TMEM117: variants seen among roughly 807,000 people sequenced by gnomAD.
TMEM117 encodes transmembrane protein 117.
TMEM117 carries 27 observed loss-of-function variants against 52.4 expected under a neutral mutation model. The observed-to-expected ratio is 0.51, with a 90% CI of 0.38 to 0.71. TMEM117 has a LOEUF of 0.71. Among genes scored for constraint, TMEM117 ranks in the 30% least tolerant of loss-of-function variants. The pLI, the probability that TMEM117 is intolerant of heterozygous loss-of-function variation, is 0.00. For missense variants in TMEM117, 556 were observed against 630.5 expected, an observed-to-expected ratio of 0.88 and a Z score of 1.26; for synonymous variants, 215 against 206.3, an observed-to-expected ratio of 1.04 and a Z score of -0.36.
rs182433474 is a variant in TMEM117 at position 44,222,255 on chromosome 12, G to C, written c.608+10868G>C. Among the ~76,000 whole-genome samples, 742 of 152,130 alleles carry C rather than the reference G, an allele frequency of 4.9e-3. 5 individuals are homozygous for C. Among genetic ancestry groups the C allele is most frequent in the African/African-American group, 0.016 (676 of 41,516 alleles). On this transcript the variant is annotated intron_variant, in intron 5 of 7. Coordinates refer to ENST00000266534, the MANE Select transcript of TMEM117 (RefSeq NM_032256.3). ...AGTCTTGGACTGCTGGGACCTAAAGGGTCTTTGAATCCAGGCCTTTGCAGT... is the reference window on the plus strand; with the variant it reads ...AGTCTTGGACTGCTGGGACCTAAAGCGTCTTTGAATCCAGGCCTTTGCAGT...
intron 2 of TMEM117, among the ~76,000 whole-genome samples, chr12:43,903,249 G>T (rs918247636): frequency 1.3e-5 from 2 of 152,214 alleles, no homozygotes; most frequent in African/African-American, 4.8e-5. Flanking sequence ...TTTTTCTAGT[G>T]TGCTGGATGG....
At chr12:43,900,557 A>C (rs1430194851) in intron 2 of TMEM117, among the ~76,000 whole-genome samples, 1 of 151,980 alleles carries the variant, frequency 6.6e-6, no homozygotes, top group Non-Finnish European at 1.5e-5. Context: ...GTCTCTACTA[A>C]AAATACAAAA....
rs117271642 is a variant in TMEM117, at chr12:44,308,991, T to C, written c.768+9252T>C. 4.7e-4 allele frequency among the ~76,000 whole-genome samples: 71 copies of C among 152,302 alleles called. 1 individual carries two copies. The East Asian group carries it at 0.013, about 29-fold the overall frequency. The stretch of plus-strand genomic sequence containing the variant: ...GGGCTCCTCTATGAGCTTTTTAAGT[T>C]ACAATGATAAAGCTAAGGAACAAAT... On this transcript the variant is annotated intron_variant, in intron 6 of 7. Transcript: ENST00000266534.
intron 2 of TMEM117, among the ~76,000 whole-genome samples, chr12:43,891,539 A>AT (rs1403405684): frequency 6.6e-6 from 1 of 150,846 alleles, no homozygotes; most frequent in East Asian, 2.0e-4. Flanking sequence ...TGCCCGGCTA[A>AT]TTTTTTTTAG....
chr12:44,090,833 T>C (rs1947654941), intron 3 of TMEM117, among the ~76,000 whole-genome samples: 1 of 147,964 alleles, frequency 6.8e-6, no homozygotes, highest in Non-Finnish European at 1.5e-5. Flanking sequence ...AATCCTGTAT[T>C]TATGTGTTTT....
intron 5 of TMEM117, among the ~76,000 whole-genome samples, chr12:44,215,841 T>C (rs1362553245): frequency 6.6e-6 from 1 of 151,972 alleles, no homozygotes; most frequent in Non-Finnish European, 1.5e-5. Flanking sequence ...GGTCTTCACC[T>C]TCCAGACACG....
At chr12:44,181,042 A>G (rs542104773) in intron 4 of TMEM117, among the ~76,000 whole-genome samples, 11 of 152,280 alleles carry the variant, frequency 7.2e-5, no homozygotes, top group African/African-American at 2.4e-4. Context: ...AATGATTGCC[A>G]TTCTAACTGG....
chr12:44,381,647 A>G (rs746880384), intron 7 of TMEM117, among the ~76,000 whole-genome samples: 1 of 152,206 alleles, frequency 6.6e-6, no homozygotes, highest in Non-Finnish European at 1.5e-5. Context: ...AAAATGGAAC[A>G]TGTAGAAGTA....
At chr12:43,843,162 A>G (rs150697465) in intron 1 of TMEM117, among the ~76,000 whole-genome samples, 1,789 of 152,102 alleles carry the variant, frequency 0.012, 98 homozygotes, top group Admixed American at 0.084. Flanking sequence ...TTTGTAAAGG[A>G]CCCTCTTCCC....
chr12:44,099,189 C>G (rs539034902), intron 3 of TMEM117, among the ~76,000 whole-genome samples: 1 of 152,010 alleles, frequency 6.6e-6, no homozygotes, highest in South Asian at 2.1e-4. Flanking sequence ...GCTAATTATT[C>G]TTTAACAAAA....
At chr12:44,246,512 CA>C (rs1950131596) in intron 5 of TMEM117, among the ~76,000 whole-genome samples, 1 of 152,158 alleles carries the variant, frequency 6.6e-6, no homozygotes, top group South Asian at 2.1e-4. Flanking sequence ...AAAGCCAATT[CA>C]GATAAGATGT....
chr12:44,002,669 A>T (rs568452337), intron 3 of TMEM117, among the ~76,000 whole-genome samples: 3 of 152,054 alleles, frequency 2.0e-5, no homozygotes, highest in Admixed American at 1.3e-4. Context: ...CTGCTCTCAA[A>T]CATGGCTTCT....
chr12:43,813,431 G>A, the TMEM117 span, among the ~76,000 whole-genome samples: 2 of 151,554 alleles, frequency 1.3e-5, no homozygotes, highest in Non-Finnish European at 1.5e-5. Flanking sequence ...TTTTAGTAGA[G>A]ACAGGGTTTC....
At chr12:44,390,831 A>G (rs1416881417), downstream of TMEM117, among the ~76,000 whole-genome samples, 1 of 152,024 alleles carries the variant, frequency 6.6e-6, no homozygotes, top group Admixed American at 6.6e-5. Flanking sequence ...TGGGTATTGC[A>G]TTTATACCAA....
intron 3 of TMEM117, among the ~76,000 whole-genome samples, chr12:43,948,426 C>T (rs1945168772): frequency 6.6e-6 from 1 of 152,032 alleles, no homozygotes; most frequent in Non-Finnish European, 1.5e-5. Flanking sequence ...CTGCCTCAGC[C>T]TCCTAAGTAG....
intron 3 of TMEM117, among the ~76,000 whole-genome samples, chr12:44,075,072 A>G (rs1592494653): frequency 6.6e-6 from 1 of 152,200 alleles, no homozygotes; most frequent in African/African-American, 2.4e-5. Context: ...CCATAGTGGT[A>G]AGTGCTGATT....
At chr12:44,313,184 T>C (rs1370028067) in intron 6 of TMEM117, among the ~76,000 whole-genome samples, 1 of 151,978 alleles carries the variant, frequency 6.6e-6, no homozygotes, top group Non-Finnish European at 1.5e-5. Context: ...TCTTTGCCAA[T>C]CCTGTTATCT....
intron 6 of TMEM117, among the ~76,000 whole-genome samples, chr12:44,319,803 A>C (rs1951107213): frequency 6.6e-6 from 1 of 152,144 alleles, no homozygotes. Context: ...TTTTCATAAA[A>C]TTACCTATTT....
chr12:43,883,783 A>G (rs1460571304), intron 2 of TMEM117, among the ~76,000 whole-genome samples: 3 of 151,548 alleles, frequency 2.0e-5, no homozygotes, highest in African/African-American at 7.3e-5. Flanking sequence ...CAAAAAACAA[A>G]AAAAAACCCC....
Sources: allele counts gnomAD v4.1 joint callset (sites outside exome capture counted in the v4.1 genomes callset), GRCh38; gene constraint gnomAD v4.1.1; transcripts MANE v1.5; gene names NCBI Gene and HGNC (gene_info 2026-07-23, HGNC 2026-07-21).